The following PRKD3 variants were observed in gnomAD, a reference collection of about 807,000 sequenced individuals.
PRKD3 encodes the protein protein kinase D3.
PRKD3 carries 47 observed loss-of-function variants against 99.2 expected under a neutral mutation model. The observed-to-expected ratio is 0.47, with a 90% CI of 0.38 to 0.60. PRKD3 has a LOEUF of 0.60. PRKD3 is among the 20% of genes least tolerant of loss of function. PRKD3 has a pLI of 0.00. For missense variants in PRKD3, 1,019 were observed against 1,088.4 expected, an observed-to-expected ratio of 0.94 and a Z score of 0.90; for synonymous variants, 392 against 355.4, an observed-to-expected ratio of 1.10 and a Z score of -1.16.
chr2:37,290,835 T>A, intron 4 of PRKD3, 33 bp downstream of exon 4: 1 of 1,546,752 alleles, frequency 6.5e-7, no homozygotes, highest in Non-Finnish European at 8.8e-7. Flanking sequence ...GGAATCTTAT[T>A]TCAAATGACC....
chr2:37,271,998 G>C (rs1316131750), intron 12 of PRKD3, among the ~76,000 whole-genome samples: 2 of 152,100 alleles, frequency 1.3e-5, no homozygotes, highest in Admixed American at 6.6e-5. Context: ...TTGCATGAAA[G>C]GTTGTTCCCC....
Position 37,256,670 on chromosome 2 carries a change from G to T in PRKD3, c.2405C>A (p.Ser802Tyr). The change falls in exon 17 of 19, where the codon TCT (serine) becomes TAT (tyrosine). Residue 802 changes from serine (S) to tyrosine (Y), a missense_variant. Coordinates refer to ENST00000234179, the MANE Select transcript of PRKD3 (RefSeq NM_005813.6). ...TTTTTTTTTTTTTTTACCTTCACCA[G>T]AAATTTCTCTCCATGGATTTGGTGG... ...MYPPNPWREISGEAIDLINNL... is the reference protein window; with the variant it reads ...MYPPNPWREIYGEAIDLINNL... 1.1e-5 allele frequency: 6 copies of T among 562,516 alleles called. No individual in the cohort carries two copies. The highest frequency in any genetic ancestry group is 3.0e-5 in the South Asian group (1 of 33,610). The allele number at this position is 562,516 out of a possible 1,614,324, so 34.8% of individuals were successfully genotyped here.
At chr2:37,309,712 G>A (rs1305049717) in intron 2 of PRKD3, among the ~76,000 whole-genome samples, 4 of 152,014 alleles carry the variant, frequency 2.6e-5, no homozygotes, top group Non-Finnish European at 5.9e-5. Context: ...GCTGGGTGTG[G>A]TGGTGCGTGC....
chr2:37,282,519 A>G (rs1669899350), intron 7 of PRKD3, 23 bp downstream of exon 7: 2 of 1,480,516 alleles, frequency 1.4e-6, no homozygotes, highest in South Asian at 1.1e-5. Context: ...ATCTTTCACA[A>G]AAATTAAGAA....
intron 2 of PRKD3, among the ~76,000 whole-genome samples, chr2:37,295,604 A>G (rs1670642175): frequency 6.6e-6 from 1 of 152,202 alleles, no homozygotes; most frequent in African/African-American, 2.4e-5. Context: ...CACCTTAGAA[A>G]AGTTGCTTAA....
chr2:37,263,491 ATTTCTC>A (rs1201464249), intron 14 of PRKD3, among the ~76,000 whole-genome samples: 1 of 152,036 alleles, frequency 6.6e-6, no homozygotes, highest in Non-Finnish European at 1.5e-5. Context: ...TGTCTACTCC[ATTTCTC>A]ATGGACTACT....
chr2:37,269,270 A>C (rs186700225), intron 13 of PRKD3: 59 of 226,094 alleles, frequency 2.6e-4, no homozygotes, highest in Non-Finnish European at 5.0e-4. Flanking sequence ...TTGTGTTGGA[A>C]AACTAGTAGG....
intron 4 of PRKD3, 115 bp downstream of exon 4, chr2:37,290,753 T>C (rs1670376263): frequency 8.3e-7 from 1 of 1,206,048 alleles, no homozygotes; most frequent in Non-Finnish European, 1.2e-6. Context: ...TCTCCAATTC[T>C]AAATCCTCGT....
chr2:37,257,423 T>C (rs1457155665), intron 16 of PRKD3, among the ~76,000 whole-genome samples: 1 of 151,954 alleles, frequency 6.6e-6, no homozygotes, highest in Non-Finnish European at 1.5e-5. Context: ...CCCAGCACTT[T>C]GGGAGGCCGA....
intron 2 of PRKD3, among the ~76,000 whole-genome samples, chr2:37,306,249 A>C (rs1404582726): frequency 1.3e-5 from 2 of 152,068 alleles, no homozygotes; most frequent in East Asian, 1.9e-4. Flanking sequence ...CTGATCAGGA[A>C]ATTTCTGTTT....
At chr2:37,270,171 G>A (rs1477805942) in intron 12 of PRKD3, among the ~76,000 whole-genome samples, 1 of 151,886 alleles carries the variant, frequency 6.6e-6, no homozygotes, top group Non-Finnish European at 1.5e-5. Context: ...AGGTTGTGGT[G>A]AGCCAAGACT....
chr2:37,254,699 A>AT (rs1429455749), intron 17 of PRKD3, among the ~76,000 whole-genome samples: 1 of 152,124 alleles, frequency 6.6e-6, no homozygotes, highest in Non-Finnish European at 1.5e-5. Flanking sequence ...AACTATTATT[A>AT]TTTGAAGATG....
chr2:37,301,072 ATTTTC>A (rs1670903713), intron 2 of PRKD3, among the ~76,000 whole-genome samples: 2 of 152,008 alleles, frequency 1.3e-5, no homozygotes, highest in Non-Finnish European at 1.5e-5. Flanking sequence ...GTGAATCTGT[ATTTTC>A]TTTTCTGTAA....
chr2:37,315,109 T>G (rs1363695363), intron 2 of PRKD3, among the ~76,000 whole-genome samples: 3 of 152,200 alleles, frequency 2.0e-5, no homozygotes, highest in Admixed American at 1.3e-4. Flanking sequence ...AGAGAGATGA[T>G]TTTTGCAAAT....
At chr2:37,272,830 A>T (rs1433570818) in intron 11 of PRKD3, among the ~76,000 whole-genome samples, 2 of 152,138 alleles carry the variant, frequency 1.3e-5, no homozygotes, top group African/African-American at 2.4e-5. Context: ...AAAAAATTTT[A>T]AAATTAGCCA....
rs1670272632 is a variant in PRKD3 at position 37,289,297 on chromosome 2, C to T, written c.717+59G>A. The T allele has an allele frequency of 2.6e-6, 4 of 1,560,140 alleles. No individual in the cohort carries two copies. In the East Asian group the frequency reaches 6.7e-5, roughly 26 times the overall value. ...TTATGTTCTAGAGTGATGTCATACACCCTGTAGAAACACAGAGAATAACTA... is the reference window on the plus strand; with the variant it reads ...TTATGTTCTAGAGTGATGTCATACATCCTGTAGAAACACAGAGAATAACTA... On this transcript the variant is annotated intron_variant, in intron 5 of 18. Transcript: ENST00000234179.
chr2:37,283,923 T>C (rs775676918), intron 6 of PRKD3, among the ~76,000 whole-genome samples: 34 of 149,466 alleles, frequency 2.3e-4, no homozygotes, highest in Non-Finnish European at 4.3e-4. Flanking sequence ...AAAAAAAAAT[T>C]CAGAGCCGAA....
intron 2 of PRKD3, among the ~76,000 whole-genome samples, chr2:37,303,509 A>G (rs944338704): frequency 1.3e-5 from 2 of 151,794 alleles, no homozygotes; most frequent in African/African-American, 4.8e-5. Flanking sequence ...ACCACAACCT[A>G]AGTGCCGCTG....
chr2:37,317,500 T>C lies in PRKD3; in HGVS notation c.-655-321A>G, dbSNP rs13397725. Among the ~76,000 whole-genome samples, 1,497 of 152,100 alleles carry C rather than the reference T, an allele frequency of 9.8e-3. 32 individuals are homozygous for C. The highest frequency in any genetic ancestry group is 0.035 in the African/African-American group (1,439 of 41,366). On this transcript the variant is annotated intron_variant, in intron 1 of 18. Transcript: ENST00000234179. ...ATGTTACAATTACATGACTGAGTTA[T>C]ATCAAAAACAGAAGGGACAAAAAAC...
Sources: allele counts gnomAD v4.1 joint callset (sites outside exome capture counted in the v4.1 genomes callset), GRCh38; gene constraint gnomAD v4.1.1; transcripts MANE v1.5; gene names NCBI Gene and HGNC (gene_info 2026-07-23, HGNC 2026-07-21).